ATOSA: variants seen among roughly 807,000 people sequenced by gnomAD.
ATOSA encodes the protein atos homolog protein A.
At chr15:52,678,737 G>A in the ATOSA span, 1 of 153,110 alleles carries the variant, frequency 6.5e-6, no homozygotes, top group Non-Finnish European at 1.5e-5. Context: ...GCCGGCTCCG[G>A]GGGAGGTGTT....
the ATOSA span, chr15:52,657,059 A>G: frequency 2.0e-5 from 3 of 152,174 alleles, no homozygotes; most frequent in Admixed American, 1.3e-4. Flanking sequence ...CCCTTTGACA[A>G]CTGCAACTTT....
At chr15:52,613,711 C>A in the ATOSA span, 1 of 1,613,894 alleles carries the variant, frequency 6.2e-7, no homozygotes, top group South Asian at 1.1e-5. Context: ...TTGGTAGTTA[C>A]TGGGTAACAA....
the ATOSA span, among the ~76,000 whole-genome samples, chr15:52,617,872 A>C: frequency 6.6e-6 from 1 of 151,556 alleles, no homozygotes; most frequent in Non-Finnish European, 1.5e-5. Context: ...ATTCTTTTAA[A>C]TCCAAATCCA....
chr15:52,693,191 G>A, the ATOSA span, among the ~76,000 whole-genome samples: 6 of 152,058 alleles, frequency 3.9e-5, no homozygotes, highest in African/African-American at 7.2e-5. Context: ...AGGCCAAGGC[G>A]GGTGGATCAC....
At chr15:52,640,739 A>G in the ATOSA span, among the ~76,000 whole-genome samples, 2 of 152,068 alleles carry the variant, frequency 1.3e-5, no homozygotes, top group Middle Eastern at 3.2e-3. Context: ...CAAAGTGAGC[A>G]AACTATTTGA....
the ATOSA span, among the ~76,000 whole-genome samples, chr15:52,701,011 C>T: frequency 6.6e-6 from 1 of 152,048 alleles, no homozygotes; most frequent in African/African-American, 2.4e-5. Flanking sequence ...GAGAAACAAA[C>T]ATACAAGAAT....
At chr15:52,701,945 T>A in the ATOSA span, among the ~76,000 whole-genome samples, 1 of 151,668 alleles carries the variant, frequency 6.6e-6, no homozygotes, top group African/African-American at 2.4e-5. Flanking sequence ...ACTAAAAAAA[T>A]AAATTTTAAA....
the ATOSA span, among the ~76,000 whole-genome samples, chr15:52,633,347 T>C: frequency 2.7e-3 from 417 of 152,280 alleles, no homozygotes; most frequent in African/African-American, 9.7e-3. Context: ...ACTCAAAATA[T>C]ATAAAAGAAC....
chr15:52,584,347 G>T, the ATOSA span, among the ~76,000 whole-genome samples: 1 of 151,674 alleles, frequency 6.6e-6, no homozygotes, highest in Non-Finnish European at 1.5e-5. Context: ...TCACTATGTT[G>T]GCCAGGTTGG....
chr15:52,615,757 A>G, the ATOSA span, among the ~76,000 whole-genome samples: 1 of 152,232 alleles, frequency 6.6e-6, no homozygotes, highest in Non-Finnish European at 1.5e-5. Context: ...AAGTTTCTCT[A>G]AAGTGACCAT....
the ATOSA span, among the ~76,000 whole-genome samples, chr15:52,640,277 A>T: frequency 3.3e-5 from 5 of 151,966 alleles, no homozygotes; most frequent in Non-Finnish European, 7.4e-5. Context: ...ACTAACAAAA[A>T]AGCTTCCAAT....
At chr15:52,650,411 C>T in the ATOSA span, among the ~76,000 whole-genome samples, 1 of 152,192 alleles carries the variant, frequency 6.6e-6, no homozygotes, top group Admixed American at 6.6e-5. Context: ...TTTTAAACTT[C>T]AGCCACATGT....
chr15:52,641,989 TA>T, the ATOSA span, among the ~76,000 whole-genome samples: 1 of 152,254 alleles, frequency 6.6e-6, no homozygotes, highest in African/African-American at 2.4e-5. Flanking sequence ...TATTCTAAAC[TA>T]AACTGGTTTT....
the ATOSA span, among the ~76,000 whole-genome samples, chr15:52,631,959 T>A: frequency 6.6e-6 from 1 of 152,178 alleles, no homozygotes; most frequent in East Asian, 1.9e-4. Flanking sequence ...CAAGTTGGTC[T>A]CAAACTCCTG....
chr15:52,691,765 G>C, the ATOSA span, among the ~76,000 whole-genome samples: 2 of 152,110 alleles, frequency 1.3e-5, no homozygotes, highest in Non-Finnish European at 2.9e-5. Flanking sequence ...AGCCCGGGGG[G>C]TCAAGGCTGC....
chr15:52,666,966 A>G, the ATOSA span, among the ~76,000 whole-genome samples: 20 of 151,880 alleles, frequency 1.3e-4, no homozygotes, highest in Non-Finnish European at 2.6e-4. Context: ...AAAAAAAAAG[A>G]GCCAGGAGAC....
chr15:52,620,943 A>G, the ATOSA span, among the ~76,000 whole-genome samples: 1 of 152,254 alleles, frequency 6.6e-6, no homozygotes, highest in Non-Finnish European at 1.5e-5. Context: ...TCTCAAAAAA[A>G]TAAAATAAAA....
At chr15:52,648,452 T>C in the ATOSA span, among the ~76,000 whole-genome samples, 2 of 152,136 alleles carry the variant, frequency 1.3e-5, no homozygotes, top group African/African-American at 4.8e-5. Flanking sequence ...CACAAACATT[T>C]ATATTTTCTT....
chr15:52,593,433 A>C, the ATOSA span: 1 of 692,314 alleles, frequency 1.4e-6, no homozygotes, highest in Non-Finnish European at 2.3e-6. Flanking sequence ...CTTAGAAAGA[A>C]GTTGTGAGGT....
Sources: gnomAD v4.1 joint callset for allele counts (sites outside exome capture counted in the v4.1 genomes callset) on GRCh38, gnomAD v4.1.1 for gene constraint, MANE v1.5 for transcripts, NCBI Gene and HGNC (gene_info 2026-07-23, HGNC 2026-07-21) for gene names.